Variants in SLC22A3 observed in about 807,000 individuals in gnomAD.
SLC22A3 encodes the protein EMT organic cation transporter 3.
In SLC22A3, 51 loss-of-function variants were observed where a neutral mutation model predicts 59.1. The ratio of observed to expected loss-of-function variants is 0.86; its 90% CI spans 0.69 to 1.09. The LOEUF (loss-of-function observed/expected upper bound fraction) is 1.09, where lower values mean the gene tolerates loss of function less well. Ranked by LOEUF, SLC22A3 falls within the 50% of genes least tolerant of loss-of-function variation. The probability of loss-of-function intolerance (pLI) is 0.00; values close to 1 mark genes in which losing one functional copy is unlikely to be tolerated. For missense variants in SLC22A3, 711 were observed against 726.3 expected, an observed-to-expected ratio of 0.98 and a Z score of 0.24; for synonymous variants, 325 against 292.0, an observed-to-expected ratio of 1.11 and a Z score of -1.15.
At chr6:160,426,024 G>A (rs570932190) in intron 5 of SLC22A3, 1 of 985,394 alleles carries the variant, frequency 1.0e-6, no homozygotes, top group South Asian at 4.7e-5. Flanking sequence ...ACGTACCAGT[G>A]AACAATGAGT....
At chr6:160,353,949 T>C (rs185160277) in intron 1 of SLC22A3, among the ~76,000 whole-genome samples, 26 of 152,300 alleles carry the variant, frequency 1.7e-4, no homozygotes, top group Admixed American at 5.2e-4. Context: ...TCTTATCAGA[T>C]GAAATGCTGC....
chr6:160,383,795 C>CA (rs995426103), intron 1 of SLC22A3, among the ~76,000 whole-genome samples: 75 of 147,462 alleles, frequency 5.1e-4, no homozygotes, highest in Admixed American at 3.0e-3. Context: ...TTTTAAAAAG[C>CA]AAAAAAAAAT....
intron 2 of SLC22A3, among the ~76,000 whole-genome samples, chr6:160,402,461 T>C (rs560546458): frequency 3.3e-5 from 5 of 151,978 alleles, no homozygotes; most frequent in South Asian, 2.1e-4. Flanking sequence ...CATCCCTTTG[T>C]TGGAAATGGT....
intron 1 of SLC22A3, among the ~76,000 whole-genome samples, chr6:160,371,273 G>C (rs1014201984): frequency 6.6e-6 from 1 of 152,126 alleles, no homozygotes; most frequent in African/African-American, 2.4e-5. Flanking sequence ...ATGGTGGTTT[G>C]CTGCACCCAT....
chr6:160,419,638 C>T lies in SLC22A3; in HGVS notation c.975+8792C>T, dbSNP rs139442541. On this transcript the variant is annotated intron_variant, in intron 5 of 10. Transcript: ENST00000275300. ...TTATTAGAAAGAAAGTCACTGGGAA[C>T]CCATCCAGCACTTTCTCCTGACAGG... 1.2e-3 allele frequency among the ~76,000 whole-genome samples: 185 copies of T among 152,346 alleles called. 2 individuals carry two copies. The highest frequency in any genetic ancestry group is 1.6e-3 in the Non-Finnish European group (111 of 68,030).
chr6:160,441,607 CTTT>C (rs3066987), intron 7 of SLC22A3, among the ~76,000 whole-genome samples: 28 of 136,556 alleles, frequency 2.1e-4, no homozygotes, highest in African/African-American at 6.0e-4. Context: ...TGAATTTTAG[CTTT>C]TTTTTTTTTT....
intron 5 of SLC22A3, among the ~76,000 whole-genome samples, chr6:160,413,556 A>G (rs923988018): frequency 2.0e-5 from 3 of 152,136 alleles, no homozygotes; most frequent in African/African-American, 7.2e-5. Context: ...ATCTTGTAAT[A>G]TTTTCCTCTA....
At chr6:160,391,223 C>T (rs1194754596) in intron 1 of SLC22A3, among the ~76,000 whole-genome samples, 1 of 152,126 alleles carries the variant, frequency 6.6e-6, no homozygotes, top group African/African-American at 2.4e-5. Context: ...ATAAAATACG[C>T]TGAAATTAAC....
intron 1 of SLC22A3, among the ~76,000 whole-genome samples, chr6:160,396,398 T>C (rs1316996141): frequency 6.6e-6 from 1 of 152,166 alleles, no homozygotes; most frequent in Non-Finnish European, 1.5e-5. Flanking sequence ...AGAACTTACA[T>C]GACATGCTGG....
At chr6:160,348,918 G>A (rs1784568857) in intron 1 of SLC22A3, 70 bp downstream of exon 1, 3 of 1,533,334 alleles carry the variant, frequency 2.0e-6, no homozygotes, top group Non-Finnish European at 2.6e-6. Context: ...GACAAGCCGC[G>A]TGTGAGACGC....
chr6:160,355,055 C>A (rs1436976334), intron 1 of SLC22A3, among the ~76,000 whole-genome samples: 1 of 152,178 alleles, frequency 6.6e-6, no homozygotes, highest in Non-Finnish European at 1.5e-5. Context: ...AGGCAGGAGC[C>A]CCACAGCTCC....
intron 5 of SLC22A3, among the ~76,000 whole-genome samples, chr6:160,427,942 A>T (rs529369829): frequency 6.6e-6 from 1 of 152,274 alleles, no homozygotes; most frequent in African/African-American, 2.4e-5. Flanking sequence ...GATTTCGATG[A>T]CATGTTGGAT....
In SLC22A3 at chr6:160,369,142, C is replaced by G. The variant is rs2661837; in HGVS notation, c.429+20294C>G. Among the ~76,000 whole-genome samples the G allele has an allele frequency of 5.2e-3, 794 of 152,334 alleles. 12 individuals are homozygous for G. The East Asian group carries it at 0.062, about 12-fold the overall frequency. On this transcript the variant is annotated intron_variant, in intron 1 of 10. Coordinates refer to ENST00000275300, the MANE Select transcript of SLC22A3 (RefSeq NM_021977.4). ...AGATACTTTCAGGGGATTTTCATAT[C>G]AATGATTGCATTTTGCCATTGTTCT...
At chr6:160,427,865 A>G (rs574401490) in intron 5 of SLC22A3, among the ~76,000 whole-genome samples, 3 of 152,290 alleles carry the variant, frequency 2.0e-5, no homozygotes, top group African/African-American at 7.2e-5. Context: ...GGCACTGGGC[A>G]TTTCAAAAAT....
At chr6:160,369,257 T>C (rs185351150) in intron 1 of SLC22A3, among the ~76,000 whole-genome samples, 31 of 152,354 alleles carry the variant, frequency 2.0e-4, no homozygotes, top group Admixed American at 1.4e-3. Context: ...ATGCCTGTTT[T>C]TATCAGGCCA....
At chr6:160,350,961 T>C (rs1784639227) in intron 1 of SLC22A3, among the ~76,000 whole-genome samples, 1 of 152,120 alleles carries the variant, frequency 6.6e-6, no homozygotes, top group South Asian at 2.1e-4. Context: ...GTTACAATGC[T>C]CCAAATGCCA....
At position 160,384,996 on chromosome 6, in the gene SLC22A3, C is replaced by A. The variant is rs76427317; in HGVS notation, c.430-12983C>A. 1.3e-3 allele frequency among the ~76,000 whole-genome samples: 200 copies of A among 152,346 alleles called. 2 individuals carry two copies. In the East Asian group the frequency reaches 0.036, roughly 28 times the overall value. Reference sequence around the variant, plus strand: ...CAGCGCTCCGGGTCCTGCTCACTCTCCTCTGGCTGCCAGTGGGCAGCTCCC... The same window carrying A: ...CAGCGCTCCGGGTCCTGCTCACTCTACTCTGGCTGCCAGTGGGCAGCTCCC... On this transcript the variant is annotated intron_variant, in intron 1 of 10. Coordinates refer to ENST00000275300, the MANE Select transcript of SLC22A3 (RefSeq NM_021977.4).
At chr6:160,444,193 G>T (rs1348717917) in intron 9 of SLC22A3, among the ~76,000 whole-genome samples, 5 of 152,042 alleles carry the variant, frequency 3.3e-5, no homozygotes, top group African/African-American at 1.2e-4. Context: ...AACATAGCAA[G>T]ACTGCCTTGA....
At chr6:160,385,509 C>T (rs1293189616) in intron 1 of SLC22A3, among the ~76,000 whole-genome samples, 1 of 152,200 alleles carries the variant, frequency 6.6e-6, no homozygotes, top group Non-Finnish European at 1.5e-5. Context: ...GCCCTCCCTT[C>T]AGGTGCTCAG....
Sources: gnomAD v4.1 joint callset for allele counts (sites outside exome capture counted in the v4.1 genomes callset) on GRCh38, gnomAD v4.1.1 for gene constraint, MANE v1.5 for transcripts, NCBI Gene and HGNC (gene_info 2026-07-23, HGNC 2026-07-21) for gene names.